CC2D2A: variants seen among roughly 807,000 people sequenced by gnomAD.
CC2D2A encodes coiled-coil and C2 domain-containing protein 2A.
A neutral mutation model predicts 212.9 loss-of-function variants in CC2D2A; 155 were observed. The ratio of observed to expected loss-of-function variants is 0.73; its 90% CI spans 0.64 to 0.83. The LOEUF (loss-of-function observed/expected upper bound fraction) is 0.83. Ranked by LOEUF, CC2D2A falls within the 40% of genes least tolerant of loss-of-function variation. CC2D2A has a pLI of 0.00. For synonymous variants in CC2D2A, 667 were observed against 686.5 expected (o/e 0.97, Z 0.44); for missense variants, 1,856 against 1,956.2 (o/e 0.95, Z 0.97).
chr4:15,559,216 A>G lies in CC2D2A; in HGVS notation c.2881A>G (p.Ile961Val), dbSNP rs1356591761. ...DRNVIETKEH[I>V]DTHRAIVAKY... The stretch of plus-strand genomic sequence containing the variant: ...AAATGTAATAGAAACCAAGGAACAC[A>G]TAGACACCCATAGGGCCATAGTAGC... Residue 961 changes from isoleucine to valine, a missense_variant, in exon 22 of 37, where the codon ATA becomes GTA. This residue lies in a region of CC2D2A where 1,512 missense variants were observed against 1,579.3 expected (regional missense o/e 0.96). Coordinates refer to ENST00000424120, the MANE Select transcript of CC2D2A (RefSeq NM_001378615.1). The G allele has an allele frequency of 6.4e-7, 1 of 1,554,254 alleles. No homozygotes were observed. The highest frequency in any genetic ancestry group is 1.2e-5 in the South Asian group (1 of 83,904).
At chr4:15,583,758 G>C (rs1383058568) in intron 30 of CC2D2A, among the ~76,000 whole-genome samples, 2 of 152,032 alleles carry the variant, frequency 1.3e-5, no homozygotes, top group Non-Finnish European at 2.9e-5. Flanking sequence ...GACCATCCTG[G>C]CTAATATGGT....
At chr4:15,496,570 T>C (rs1307214484) in intron 4 of CC2D2A, among the ~76,000 whole-genome samples, 1 of 152,128 alleles carries the variant, frequency 6.6e-6, no homozygotes, top group Admixed American at 6.5e-5. Flanking sequence ...AAAGTCAAAC[T>C]ATCTCTCTTC....
At chr4:15,487,651 C>A (rs555157141) in intron 4 of CC2D2A, among the ~76,000 whole-genome samples, 2 of 151,860 alleles carry the variant, frequency 1.3e-5, no homozygotes, top group Admixed American at 1.3e-4. Context: ...TTATATTCAA[C>A]GTCATTATTC....
At chr4:15,516,990 C>A (rs1050487769) in intron 11 of CC2D2A, among the ~76,000 whole-genome samples, 1 of 132,952 alleles carries the variant, frequency 7.5e-6, no homozygotes, top group African/African-American at 2.8e-5. Context: ...CGCTGTCGCC[C>A]AGGTTGGAGT....
chr4:15,474,948 G>C (rs1045744087), intron 1 of CC2D2A, among the ~76,000 whole-genome samples: 3 of 152,188 alleles, frequency 2.0e-5, no homozygotes, highest in East Asian at 3.8e-4. Context: ...TTGAAAAATT[G>C]AGCAACAGCT....
chr4:15,560,594 ATAG>A lies in CC2D2A; in HGVS notation c.2990_2992del (p.Val997del). On this transcript the variant is annotated inframe_deletion, in exon 23 of 37. Transcript: ENST00000424120. ...ACAATATTTTCTTCTTGCTGATATG[ATAG>A]TAGAAGAAGAAGTTCCCAATATCAG... is the stretch of plus-strand genomic sequence containing the variant. 2 of 1,489,734 alleles carry A rather than the reference ATAG, an allele frequency of 1.3e-6. No homozygotes were observed. The highest frequency in any genetic ancestry group is 1.8e-6 in the Non-Finnish European group (2 of 1,082,988). The allele number at this position is 1,489,734 out of a possible 1,614,324, so 92.3% of individuals were successfully genotyped here. A position where few individuals can be genotyped will look rare whatever the true frequency, so the allele number is the denominator to read the frequency against.
intron 28 of CC2D2A, among the ~76,000 whole-genome samples, chr4:15,571,064 G>A (rs1720143126): frequency 6.6e-6 from 1 of 152,106 alleles, no homozygotes; most frequent in South Asian, 2.1e-4. Flanking sequence ...AGTAGTTAAT[G>A]TATGACTGTT....
At chr4:15,598,347 C>T (rs1347703248) in intron 35 of CC2D2A, among the ~76,000 whole-genome samples, 1 of 152,146 alleles carries the variant, frequency 6.6e-6, no homozygotes, top group Non-Finnish European at 1.5e-5. Flanking sequence ...GGTCTCTAAA[C>T]CCATGCATTT....
intron 24 of CC2D2A, among the ~76,000 whole-genome samples, chr4:15,565,311 G>A (rs1008443862): frequency 6.6e-5 from 10 of 152,034 alleles, no homozygotes; most frequent in African/African-American, 2.2e-4. Context: ...CACATTCAAT[G>A]CAGATACATC....
At chr4:15,549,063 A>G (rs1300940674) in intron 17 of CC2D2A, among the ~76,000 whole-genome samples, 1 of 152,170 alleles carries the variant, frequency 6.6e-6, no homozygotes, top group Non-Finnish European at 1.5e-5. Context: ...ATACATATTG[A>G]AATATTTACA....
At chr4:15,599,341 G>T (rs1477121589) in intron 35 of CC2D2A, among the ~76,000 whole-genome samples, 188 bp from the exon 36 acceptor site, 2 of 152,164 alleles carry the variant, frequency 1.3e-5, no homozygotes, top group African/African-American at 2.4e-5. Flanking sequence ...TTAAGGACAG[G>T]ACTGCATGTT....
chr4:15,552,726 C>A (rs373064743), intron 18 of CC2D2A, among the ~76,000 whole-genome samples: 3 of 152,180 alleles, frequency 2.0e-5, no homozygotes, highest in African/African-American at 7.2e-5. Flanking sequence ...GCTTCTTTAG[C>A]GCTATCTTCA....
chr4:15,586,192 C>A lies in CC2D2A; in HGVS notation c.4011C>A (p.Phe1337Leu). 6.2e-7 allele frequency: 1 copy of A among 1,610,472 alleles called. No homozygotes were observed. Among genetic ancestry groups the A allele is most frequent in the South Asian group, 1.1e-5 (1 of 90,688 alleles). Residue 1337 changes from phenylalanine to leucine, a missense_variant, in exon 31 of 37, where the codon TTC becomes TTA. Around this residue, in one of 5 missense-constraint regions of CC2D2A, gnomAD observed 20 missense variants for 46.9 expected, o/e 0.43. Coordinates refer to ENST00000424120, the MANE Select transcript of CC2D2A (RefSeq NM_001378615.1). ...LVARYVSLIPFLPDTVSFGGI... is the reference protein window; with the variant it reads ...LVARYVSLIPLLPDTVSFGGI... ...CTCGATATGTGTCCTTGATTCCCTTCTTGCCTGACACTGTCTCATTTGGTG... is the reference window on the plus strand; with the variant it reads ...CTCGATATGTGTCCTTGATTCCCTTATTGCCTGACACTGTCTCATTTGGTG...
chr4:15,495,069 C>G (rs752788287), intron 4 of CC2D2A, among the ~76,000 whole-genome samples: 2 of 152,120 alleles, frequency 1.3e-5, no homozygotes, highest in African/African-American at 2.4e-5. Context: ...CCTCACCTGC[C>G]TCCCACCCTC....
intron 8 of CC2D2A, among the ~76,000 whole-genome samples, chr4:15,512,395 C>T (rs1048538939): frequency 2.0e-5 from 3 of 152,188 alleles, no homozygotes; most frequent in Non-Finnish European, 4.4e-5. Flanking sequence ...AATTCTGACA[C>T]ATGCCACAAC....
At chr4:15,542,481 C>A (rs760069117) in intron 17 of CC2D2A, among the ~76,000 whole-genome samples, 1 of 152,148 alleles carries the variant, frequency 6.6e-6, no homozygotes, top group Non-Finnish European at 1.5e-5. Context: ...ATTGATGGTG[C>A]TATTTTTGTT....
chr4:15,571,934 C>T (rs1294205562), intron 28 of CC2D2A, among the ~76,000 whole-genome samples: 2 of 152,160 alleles, frequency 1.3e-5, no homozygotes, highest in Non-Finnish European at 2.9e-5. Context: ...AATATCTGTG[C>T]TCTGTGTGGG....
Position 15,574,286 on chromosome 4 carries a change from T to C in CC2D2A, c.3731T>C (p.Ile1244Thr). ...TCCTACATTACCCTCTTTATTACCATTGAGCCCCAGCTGGTTCCTGGAGAG... is the reference window on the plus strand; with the variant it reads ...TCCTACATTACCCTCTTTATTACCACTGAGCCCCAGCTGGTTCCTGGAGAG... Reference protein sequence around the residue: ...EGSYITLFITIEPQLVPGESI... With the variant: ...EGSYITLFITTEPQLVPGESI... Residue 1244 changes from isoleucine (I) to threonine (T), a missense_variant, in exon 29 of 37, where the codon ATT becomes ACT. Physicochemically the swap from Ile to Thr is moderately conservative, Grantham distance 89 (BLOSUM62 -1). This residue lies in a region of CC2D2A where 1,512 missense variants were observed against 1,579.3 expected (regional missense o/e 0.96). Transcript: ENST00000424120. 1 of 1,551,468 alleles carries C rather than the reference T, an allele frequency of 6.4e-7. No individual in the cohort carries two copies. The highest frequency in any genetic ancestry group is 1.2e-5 in the South Asian group (1 of 84,036).
intron 18 of CC2D2A, among the ~76,000 whole-genome samples, chr4:15,552,455 G>C (rs548868993): frequency 7.9e-5 from 12 of 152,108 alleles, no homozygotes; most frequent in Admixed American, 2.6e-4. Flanking sequence ...CCTTCTAAAA[G>C]TTTATCCCCT....
Sources: allele counts gnomAD v4.1 joint callset (sites outside exome capture counted in the v4.1 genomes callset), GRCh38; gene constraint gnomAD v4.1.1; regional missense constraint gnomAD v4.1.1; transcripts MANE v1.5; gene names NCBI Gene and HGNC (gene_info 2026-07-23, HGNC 2026-07-21).